The following MSI2 variants were observed in gnomAD, a reference collection of about 807,000 sequenced individuals.
MSI2 encodes RNA-binding protein Musashi homolog 2.
A neutral mutation model predicts 45.6 loss-of-function variants in MSI2; 17 were observed. That is an observed-to-expected ratio of 0.37 (90% CI 0.26 to 0.56). The LOEUF (loss-of-function observed/expected upper bound fraction) is 0.56, where lower values mean the gene tolerates loss of function less well. Ranked by LOEUF, MSI2 falls within the 20% of genes least tolerant of loss-of-function variation. The pLI is 0.77. For synonymous variants in MSI2, 156 were observed against 158.2 expected, an observed-to-expected ratio of 0.99 and a Z score of 0.11; for missense variants, 293 against 444.2, an observed-to-expected ratio of 0.66 and a Z score of 3.06.
intron 6 of MSI2, among the ~76,000 whole-genome samples, chr17:57,422,342 C>T (rs2084411233): frequency 6.6e-6 from 1 of 152,148 alleles, no homozygotes; most frequent in South Asian, 2.1e-4. Flanking sequence ...TGCCCGTAGT[C>T]TCAGCTACTC....
At chr17:57,410,027 G>A (rs1487542153) in intron 6 of MSI2, among the ~76,000 whole-genome samples, 1 of 33,486 alleles carries the variant, frequency 3.0e-5, no homozygotes, top group Non-Finnish European at 7.6e-5. Context: ...AAAAAAAAAT[G>A]GGGAGTATGG....
At chr17:57,408,887 C>T (rs773542336) in intron 6 of MSI2, among the ~76,000 whole-genome samples, 13 of 151,958 alleles carry the variant, frequency 8.6e-5, no homozygotes, top group Non-Finnish European at 1.8e-4. Context: ...GATTCCCACC[C>T]GCCCCCCACC....
At chr17:57,479,766 C>G (rs2085611880) in intron 6 of MSI2, among the ~76,000 whole-genome samples, 1 of 152,220 alleles carries the variant, frequency 6.6e-6, no homozygotes, top group African/African-American at 2.4e-5. Context: ...GCTGCCATCC[C>G]TGAGACCTAC....
At chr17:57,425,154 A>G (rs2084468131) in intron 6 of MSI2, among the ~76,000 whole-genome samples, 3 of 152,184 alleles carry the variant, frequency 2.0e-5, no homozygotes, top group African/African-American at 7.2e-5. Flanking sequence ...GGGGAGGGCC[A>G]GGGTTGTAGG....
intron 5 of MSI2, among the ~76,000 whole-genome samples, chr17:57,357,613 A>T (rs1267780318): frequency 1.3e-5 from 2 of 152,048 alleles, no homozygotes; most frequent in Non-Finnish European, 2.9e-5. Context: ...CGCTGGTGGG[A>T]GCTGCGCCAC....
chr17:57,374,683 G>A (rs991492550), intron 5 of MSI2, among the ~76,000 whole-genome samples: 3 of 152,148 alleles, frequency 2.0e-5, no homozygotes, highest in Non-Finnish European at 2.9e-5. Context: ...GGAGGTTGAG[G>A]CAGGAGAATT....
At chr17:57,645,772 C>T (rs11651503) in intron 10 of MSI2, among the ~76,000 whole-genome samples, 26,512 of 152,010 alleles carry the variant, frequency 0.17, 2,419 homozygotes, top group East Asian at 0.29. Context: ...GCTCTGCAGA[C>T]CAAGTAATCA....
chr17:57,577,898 A>C (rs1235602713), intron 7 of MSI2, among the ~76,000 whole-genome samples: 1 of 152,128 alleles, frequency 6.6e-6, no homozygotes, highest in African/African-American at 2.4e-5. Flanking sequence ...GGTACTCCAG[A>C]GGCATTGTTG....
chr17:57,364,391 A>C (rs572930479), intron 5 of MSI2, among the ~76,000 whole-genome samples: 1 of 152,356 alleles, frequency 6.6e-6, no homozygotes, highest in East Asian at 1.9e-4. Flanking sequence ...CGAGGAACTC[A>C]ATCTGTGGAA....
At chr17:57,654,779 C>T (rs894304449) in intron 11 of MSI2, among the ~76,000 whole-genome samples, 10 of 152,240 alleles carry the variant, frequency 6.6e-5, no homozygotes, top group African/African-American at 2.4e-4. Context: ...CCATGCTAAA[C>T]CTGGCAGGCA....
intron 5 of MSI2, among the ~76,000 whole-genome samples, chr17:57,313,778 A>G (rs1338056549): frequency 6.6e-6 from 1 of 152,234 alleles, no homozygotes; most frequent in East Asian, 1.9e-4. Flanking sequence ...CAGGTGAGAC[A>G]GGGCTCTACC....
chr17:57,352,414 A>C (rs1057328808), intron 5 of MSI2, among the ~76,000 whole-genome samples: 2 of 152,162 alleles, frequency 1.3e-5, no homozygotes, highest in African/African-American at 2.4e-5. Context: ...TTTATAAAGG[A>C]AGTAGGGGAG....
At chr17:57,391,048 A>G (rs1393840282) in intron 5 of MSI2, among the ~76,000 whole-genome samples, 1 of 152,242 alleles carries the variant, frequency 6.6e-6, no homozygotes, top group Non-Finnish European at 1.5e-5. Flanking sequence ...GTTGCTACCC[A>G]GATAAATGGA....
At chr17:57,290,164 T>C (rs1042664240) in intron 5 of MSI2, among the ~76,000 whole-genome samples, 1 of 152,184 alleles carries the variant, frequency 6.6e-6, no homozygotes. Flanking sequence ...TTCTCATCTA[T>C]AACATGGGGA....
intron 8 of MSI2, among the ~76,000 whole-genome samples, chr17:57,605,859 C>G (rs2144512248): frequency 2.0e-5 from 3 of 152,390 alleles, no homozygotes; most frequent in Admixed American, 2.0e-4. Context: ...CGCAGGGCCT[C>G]TGGCCCAGCC....
chr17:57,527,981 G>A (rs999967367), intron 6 of MSI2, among the ~76,000 whole-genome samples: 19 of 152,118 alleles, frequency 1.2e-4, no homozygotes, highest in Admixed American at 1.2e-3. Context: ...AGGGATTAGC[G>A]CCAGCCCCCA....
intron 5 of MSI2, among the ~76,000 whole-genome samples, chr17:57,287,093 C>T (rs1217272154): frequency 6.6e-6 from 1 of 150,686 alleles, no homozygotes; most frequent in Non-Finnish European, 1.5e-5. Flanking sequence ...TATTTATCAT[C>T]TCTATAGTAC....
chr17:57,606,327 C>G (rs1906571179), intron 8 of MSI2: 1 of 152,228 alleles, frequency 6.6e-6, no homozygotes, highest in Middle Eastern at 3.2e-3. Context: ...AGGATTAGCT[C>G]CGAGAGCCCT....
rs577914996 is a variant in MSI2, at chr17:57,627,135, T to C, written c.653-94T>C. On this transcript the variant is annotated intron_variant, in intron 9 of 13. Transcript: ENST00000284073. This position sits in a 1 kb window ranked among gnomAD's most constrained non-coding sequence, Gnocchi z 4.6. ...AAATTATTCTGTGAAGGAAAATAAC[T>C]CAGGCTTTCCTCATTGCCACCCTCC... The C allele has an allele frequency of 3.6e-6, 4 of 1,117,462 alleles. No homozygotes were observed. In the East Asian group the frequency reaches 7.1e-5, roughly 20 times the overall value. The allele number at this position is 1,117,462 out of a possible 1,614,324, so 69.2% of individuals were successfully genotyped here.
Sources: allele counts gnomAD v4.1 joint callset (sites outside exome capture counted in the v4.1 genomes callset), GRCh38; gene constraint gnomAD v4.1.1; non-coding constraint Gnocchi (gnomAD v3.1); transcripts MANE v1.5; gene names NCBI Gene and HGNC (gene_info 2026-07-23, HGNC 2026-07-21).